SIPA1L2: variants seen among roughly 807,000 people sequenced by gnomAD.
SIPA1L2 encodes the protein signal-induced proliferation-associated 1-like protein 2.
SIPA1L2 carries 56 observed loss-of-function variants against 163.9 expected under a neutral mutation model. That is an observed-to-expected ratio of 0.34 (90% CI 0.28 to 0.43). The LOEUF (loss-of-function observed/expected upper bound fraction) is 0.43. Among genes scored for constraint, SIPA1L2 ranks in the 20% least tolerant of loss-of-function variants. The probability of loss-of-function intolerance (pLI) is 1.00; values close to 1 mark genes in which losing one functional copy is unlikely to be tolerated. For missense variants in SIPA1L2, 1,974 were observed against 2,193.5 expected, an observed-to-expected ratio of 0.90 and a Z score of 2.00; for synonymous variants, 877 against 865.7, an observed-to-expected ratio of 1.01 and a Z score of -0.23.
At chr1:232,607,199 C>T (rs1360821217) in intron 1 of SIPA1L2, among the ~76,000 whole-genome samples, 1 of 151,698 alleles carries the variant, frequency 6.6e-6, no homozygotes, top group Non-Finnish European at 1.5e-5. Context: ...AACACAACCA[C>T]AAGTAATAAC....
At chr1:232,611,050 C>T (rs1035868744) in intron 1 of SIPA1L2, among the ~76,000 whole-genome samples, 9 of 152,160 alleles carry the variant, frequency 5.9e-5, no homozygotes, top group Admixed American at 5.2e-4. Flanking sequence ...AATCATGGGG[C>T]GGCTTCCCCC....
chr1:232,462,066 G>A, intron 9 of SIPA1L2: 10 of 777,052 alleles, frequency 1.3e-5, no homozygotes, highest in Non-Finnish European at 2.2e-5. Context: ...CTCAGTGTAT[G>A]TACCTTACTC....
rs557193657 is a variant in SIPA1L2, at chr1:232,594,476, T to C, written c.-318-20254A>G. Among the ~76,000 whole-genome samples the C allele has an allele frequency of 3.9e-5, 6 of 152,266 alleles. No homozygotes were observed. In the South Asian group the frequency reaches 1.2e-3, roughly 32 times the overall value. On this transcript the variant is annotated intron_variant, in intron 1 of 22. Transcript: ENST00000674635. ...GGACTCCTGCCCTCACCTCATTTTA[T>C]GCTCATCATCACCCACAGCCATCGC...
In SIPA1L2 at chr1:232,495,560, G is replaced by A. The variant is rs1166166963; in HGVS notation, c.1484-1900C>T. Among the ~76,000 whole-genome samples the A allele has an allele frequency of 3.0e-4, 37 of 121,694 alleles. No homozygotes were observed. In the South Asian group the frequency reaches 3.5e-3, roughly 12 times the overall value. The allele number at this position is 121,694 out of a possible 152,430, so 79.8% of individuals were successfully genotyped here. On this transcript the variant is annotated intron_variant, in intron 3 of 22. Coordinates refer to ENST00000674635, the MANE Select transcript of SIPA1L2 (RefSeq NM_020808.5). ...AGCCTGGGTGACAGAGCAAGACTCC[G>A]TCTCAAAAAAAAAAAAAAAAAGATG... is the stretch of plus-strand genomic sequence containing the variant.
chr1:232,464,409 C>A (rs1664400624), intron 9 of SIPA1L2, among the ~76,000 whole-genome samples: 1 of 152,098 alleles, frequency 6.6e-6, no homozygotes, highest in African/African-American at 2.4e-5. Context: ...GCACATTAAA[C>A]AAAAATAGCT....
chr1:232,538,698 C>T (rs1455699919), intron 2 of SIPA1L2, among the ~76,000 whole-genome samples: 22 of 150,378 alleles, frequency 1.5e-4, no homozygotes, highest in Admixed American at 1.5e-3. Flanking sequence ...CCCTCCCCCA[C>T]TATACACACA....
intron 1 of SIPA1L2, among the ~76,000 whole-genome samples, chr1:232,609,808 C>T (rs868125658): frequency 1.5e-5 from 2 of 133,144 alleles, no homozygotes; most frequent in South Asian, 2.3e-4. Flanking sequence ...CCAGCCCAGG[C>T]GACAGTGCGA....
intron 3 of SIPA1L2, among the ~76,000 whole-genome samples, chr1:232,503,671 A>T (rs1248001781): frequency 6.6e-6 from 1 of 152,242 alleles, no homozygotes; most frequent in African/African-American, 2.4e-5. Context: ...ATTTTGCCAT[A>T]AAATGCATTT....
chr1:232,486,180 C>T (rs1340700387), intron 5 of SIPA1L2, among the ~76,000 whole-genome samples: 3 of 152,052 alleles, frequency 2.0e-5, no homozygotes, highest in South Asian at 2.1e-4. Context: ...GTTTGGGAGC[C>T]GAGGGTGTGC....
At chr1:232,621,116 C>G (rs561512655) in intron 1 of SIPA1L2, among the ~76,000 whole-genome samples, 10 of 152,210 alleles carry the variant, frequency 6.6e-5, no homozygotes, top group Non-Finnish European at 1.3e-4. Context: ...TCTGCATGAT[C>G]ACAGAAGGAC....
At chr1:232,401,504 G>C (rs897276589) in intron 22 of SIPA1L2, among the ~76,000 whole-genome samples, 1 of 152,126 alleles carries the variant, frequency 6.6e-6, no homozygotes, top group African/African-American at 2.4e-5. Context: ...AGAAAGAAAA[G>C]AAACAATCAG....
chr1:232,521,895 C>T (rs1423413522), intron 2 of SIPA1L2, among the ~76,000 whole-genome samples: 3 of 152,074 alleles, frequency 2.0e-5, no homozygotes, highest in Non-Finnish European at 4.4e-5. Context: ...AATCCTTATC[C>T]ACAAGTCCAA....
intron 7 of SIPA1L2, among the ~76,000 whole-genome samples, chr1:232,473,312 C>T (rs1019651157): frequency 2.6e-4 from 39 of 152,220 alleles, no homozygotes; most frequent in Non-Finnish European, 1.3e-4. Flanking sequence ...AGTTCATACT[C>T]TAGTTTATTC....
chr1:232,630,396 G>A (rs896783344), upstream of SIPA1L2, among the ~76,000 whole-genome samples: 26 of 152,200 alleles, frequency 1.7e-4, no homozygotes, highest in African/African-American at 6.3e-4. Context: ...CATCATGAGC[G>A]GCGCTGGGCG....
intron 5 of SIPA1L2, among the ~76,000 whole-genome samples, chr1:232,486,933 C>T (rs1665674797): frequency 6.6e-6 from 1 of 152,208 alleles, no homozygotes; most frequent in South Asian, 2.1e-4. Context: ...TTCTCTCAGA[C>T]CAAGGCTTCA....
intron 1 of SIPA1L2, among the ~76,000 whole-genome samples, chr1:232,621,205 T>C (rs915778247): frequency 2.6e-5 from 4 of 152,234 alleles, no homozygotes; most frequent in African/African-American, 9.6e-5. Context: ...ACAAAATTTC[T>C]AGTTAATAAC....
chr1:232,547,577 T>TG (rs1482122640), intron 2 of SIPA1L2, among the ~76,000 whole-genome samples: 707 of 2,328 alleles, frequency 0.3, 6 homozygotes, highest in Middle Eastern at 0.4. Context: ...GGGTGGGGGC[T>TG]GGGTGGGGGC....
At chr1:232,609,236 C>G (rs936978458) in intron 1 of SIPA1L2, among the ~76,000 whole-genome samples, 1 of 152,102 alleles carries the variant, frequency 6.6e-6, no homozygotes, top group Non-Finnish European at 1.5e-5. Flanking sequence ...ATCCAGAATC[C>G]GTTTTGTTCA....
At chr1:232,602,072 A>G (rs913310487) in intron 1 of SIPA1L2, among the ~76,000 whole-genome samples, 1 of 152,184 alleles carries the variant, frequency 6.6e-6, no homozygotes, top group African/African-American at 2.4e-5. Context: ...AACAAATGCT[A>G]CAAGGCAAGG....
Sources: gnomAD v4.1 joint callset for allele counts (sites outside exome capture counted in the v4.1 genomes callset) on GRCh38, gnomAD v4.1.1 for gene constraint, MANE v1.5 for transcripts, NCBI Gene and HGNC (gene_info 2026-07-23, HGNC 2026-07-21) for gene names.